Variants in TRPC3 observed in about 807,000 individuals in gnomAD.
TRPC3 encodes short transient receptor potential channel 3.
A neutral mutation model predicts 90.9 loss-of-function variants in TRPC3; 54 were observed. The observed-to-expected ratio is 0.59, with a 90% CI of 0.48 to 0.75. The LOEUF (loss-of-function observed/expected upper bound fraction) is 0.75, where lower values mean the gene tolerates loss of function less well. Ranked by LOEUF, TRPC3 falls within the 30% of genes least tolerant of loss-of-function variation. The pLI, the probability that TRPC3 is intolerant of heterozygous loss-of-function variation, is 0.00. For missense variants in TRPC3, 918 were observed against 1,194.5 expected, an observed-to-expected ratio of 0.77 and a Z score of 3.41; for synonymous variants, 424 against 450.9, an observed-to-expected ratio of 0.94 and a Z score of 0.75.
Position 121,904,326 on chromosome 4 carries a change from AT to A in TRPC3, c.2248del (p.Ile750LeufsTer7). 1 of 1,596,714 alleles carries A rather than the reference AT, an allele frequency of 6.3e-7. No individual in the cohort carries two copies. Among genetic ancestry groups the A allele is most frequent in the South Asian group, 1.1e-5 (1 of 87,374 alleles). On this transcript the variant is annotated frameshift_variant, in exon 8 of 12. Coordinates refer to ENST00000379645, the MANE Select transcript of TRPC3 (RefSeq NM_001130698.2). LOFTEE classifies it high-confidence loss of function. ...ATGGATAGAAAACCGATTTACCTCA[AT>A]TTCTTGATATGAGCTATTAATCATA... ...IAMINSSYQE[I>X]EDDSDVEWKF... is the part of the protein sequence containing the mutation.
Position 121,879,828 on chromosome 4 carries a change from A to G in TRPC3, c.2674T>C (p.Leu892=). ...QDISSLRYEL[L]EDKSQATEEL... is the part of the protein sequence containing the mutation. ...TCAGTTGCTTGGCTCTTGTCTTCCA[A>G]AAGTTCATAACGAAGGCTGGAGATA... The change falls in exon 12 of 12, where the codon TTG becomes CTG. Residue 892 remains leucine (L), a synonymous_variant. Transcript: ENST00000379645. 1.2e-6 allele frequency: 2 copies of G among 1,607,668 alleles called. No individual in the cohort carries two copies. Among genetic ancestry groups the G allele is most frequent in the Non-Finnish European group, 1.7e-6 (2 of 1,178,054 alleles).
At chr4:121,908,828 T>C (rs1361182130) in intron 6 of TRPC3, among the ~76,000 whole-genome samples, 2 of 152,040 alleles carry the variant, frequency 1.3e-5, no homozygotes, top group Non-Finnish European at 2.9e-5. Context: ...TGCAATATGC[T>C]CAGGTAACAA....
At chr4:121,891,177 A>G (rs956509619) in intron 10 of TRPC3, among the ~76,000 whole-genome samples, 1 of 152,178 alleles carries the variant, frequency 6.6e-6, no homozygotes. Context: ...CCACATCAAC[A>G]TTCCATTTCA....
At chr4:121,916,908 T>C (rs1578631805) in intron 3 of TRPC3, among the ~76,000 whole-genome samples, 1 of 151,714 alleles carries the variant, frequency 6.6e-6, no homozygotes, top group Non-Finnish European at 1.5e-5. Flanking sequence ...AGAGACGGGG[T>C]TTCTCCATGG....
At chr4:121,923,475 G>A (rs1729596753) in intron 3 of TRPC3, among the ~76,000 whole-genome samples, 1 of 152,176 alleles carries the variant, frequency 6.6e-6, no homozygotes, top group African/African-American at 2.4e-5. Context: ...TTTGACGAGT[G>A]AGGATTAACT....
Position 121,935,088 on chromosome 4 carries a change from G to A in TRPC3, c.216-2046C>T, listed in dbSNP as rs145872841. Reference sequence around the variant, plus strand: ...GGGACTAAGAAGTCATACAGGAAGGGGGACTTTCACTTTTTACTTTTCACT... The same window carrying A: ...GGGACTAAGAAGTCATACAGGAAGGAGGACTTTCACTTTTTACTTTTCACT... On this transcript the variant is annotated intron_variant, in intron 1 of 11. Coordinates refer to ENST00000379645, the MANE Select transcript of TRPC3 (RefSeq NM_001130698.2). Among the ~76,000 whole-genome samples, 1,297 of 152,190 alleles carry A rather than the reference G, an allele frequency of 8.5e-3. 14 individuals carry two copies. The highest frequency in any genetic ancestry group is 0.029 in the African/African-American group (1,184 of 41,520).
intron 10 of TRPC3, among the ~76,000 whole-genome samples, chr4:121,885,145 C>T (rs970877540): frequency 1.4e-4 from 21 of 152,310 alleles, no homozygotes; most frequent in African/African-American, 4.3e-4. Flanking sequence ...AAATCAGTTT[C>T]GCCACACATG....
chr4:121,933,775 A>C (rs1730038377), intron 1 of TRPC3, among the ~76,000 whole-genome samples: 1 of 151,712 alleles, frequency 6.6e-6, no homozygotes, highest in African/African-American at 2.4e-5. Flanking sequence ...TTGCCCCCAC[A>C]CCCTCCACCT....
chr4:121,925,214 C>G lies in TRPC3; in HGVS notation c.988-8G>C, dbSNP rs749108372. ...GAGCTTCCGATAGTCATTCTAAGAA[C>G]AAGAGGTTTAGTGTTTTAACACAAA... On this transcript the variant is annotated splice_region_variant and splice_polypyrimidine_tract_variant and intron_variant, in intron 2 of 11. Coordinates refer to ENST00000379645, the MANE Select transcript of TRPC3 (RefSeq NM_001130698.2). The G allele has an allele frequency of 6.2e-7, 1 of 1,603,546 alleles. No homozygotes were observed. Among genetic ancestry groups the G allele is most frequent in the Non-Finnish European group, 8.5e-7 (1 of 1,176,354 alleles).
chr4:121,899,748 A>C, intron 9 of TRPC3, 53 bp from the exon 10 acceptor site: 1 of 1,325,598 alleles, frequency 7.5e-7, no homozygotes, highest in Non-Finnish European at 1.1e-6. Flanking sequence ...ATTTGGAATA[A>C]AAAATATAAT....
chr4:121,887,911 T>C (rs748978696), intron 10 of TRPC3, among the ~76,000 whole-genome samples: 2 of 152,154 alleles, frequency 1.3e-5, no homozygotes, highest in Non-Finnish European at 2.9e-5. Context: ...TTAAAAAAAA[T>C]TCTTTACACA....
chr4:121,907,580 G>C lies in TRPC3; in HGVS notation c.1793-13C>G. On this transcript the variant is annotated splice_polypyrimidine_tract_variant and intron_variant, in intron 6 of 11. Transcript: ENST00000379645. ...CATTTATCTCTAGCTAGAAAAAAGA[G>C]AGAAAGAGATTAAAAATGGAGCTTT... is the stretch of plus-strand genomic sequence containing the variant. 6.3e-7 allele frequency: 1 copy of C among 1,586,020 alleles called. No individual in the cohort carries two copies. Among genetic ancestry groups the C allele is most frequent in the Non-Finnish European group, 8.6e-7 (1 of 1,169,186 alleles).
intron 7 of TRPC3, among the ~76,000 whole-genome samples, chr4:121,905,587 G>C (rs1728853057): frequency 6.6e-6 from 1 of 151,986 alleles, no homozygotes; most frequent in Non-Finnish European, 1.5e-5. Flanking sequence ...TTAAATTAAA[G>C]ATTTACACAC....
rs1158074324 is a variant in TRPC3 at position 121,876,346 on chromosome 4, T to A, written c.*3390A>T. Among the ~76,000 whole-genome samples, 1 of 152,084 alleles carries A rather than the reference T, an allele frequency of 6.6e-6. No homozygotes were observed. Among genetic ancestry groups the A allele is most frequent in the Admixed American group, 6.5e-5 (1 of 15,280 alleles). On this transcript the variant is annotated 3_prime_UTR_variant, in exon 12 of 12. Transcript: ENST00000379645. ...AGACATGGAAAGAAAGATTACCACC[T>A]TGGATGATGACATTAACCTCCTAAA...
intron 10 of TRPC3, among the ~76,000 whole-genome samples, chr4:121,889,203 A>C (rs1255167956): frequency 1.3e-5 from 2 of 152,214 alleles, no homozygotes; most frequent in African/African-American, 4.8e-5. Context: ...AGAAGAAAAC[A>C]GGGGAAATAC....
Position 121,904,351 on chromosome 4 carries a change from T to C in TRPC3, c.2224A>G (p.Met742Val). ...ATTTCTTGATATGAGCTATTAATCA[T>C]AGCAATTAGCATGTTGAGTAAAACG... ...VVVLLNMLIA[M>V]INSSYQEIED... The change falls in exon 8 of 12, where the codon ATG (methionine) becomes GTG (valine). Residue 742 changes from methionine to valine, a missense_variant. Met to Val is a conservative substitution (Grantham distance 21). Around this residue, in one of 4 missense-constraint regions of TRPC3, gnomAD observed 147 missense variants for 263.5 expected, o/e 0.56. Transcript: ENST00000379645. 2 of 1,601,230 alleles carry C rather than the reference T, an allele frequency of 1.2e-6. No individual in the cohort carries two copies. Among genetic ancestry groups the C allele is most frequent in the Non-Finnish European group, 1.7e-6 (2 of 1,176,878 alleles).
At chr4:121,890,262 G>A (rs983569322) in intron 10 of TRPC3, among the ~76,000 whole-genome samples, 1 of 152,072 alleles carries the variant, frequency 6.6e-6, no homozygotes, top group African/African-American at 2.4e-5. Context: ...ACAGTAGGGG[G>A]ACTATAGTTA....
At chr4:121,929,187 A>C (rs187637043) in intron 2 of TRPC3, among the ~76,000 whole-genome samples, 2 of 152,324 alleles carry the variant, frequency 1.3e-5, no homozygotes, top group East Asian at 3.9e-4. Context: ...AACATATGAA[A>C]TGTTGCCTAC....
chr4:121,920,804 A>G (rs552854613), intron 3 of TRPC3, among the ~76,000 whole-genome samples: 1 of 152,248 alleles, frequency 6.6e-6, no homozygotes, highest in East Asian at 1.9e-4. Flanking sequence ...AGGGCCCTGG[A>G]TGTTTTCCTT....
Sources: gnomAD v4.1 joint callset for allele counts (sites outside exome capture counted in the v4.1 genomes callset) on GRCh38, gnomAD v4.1.1 for gene constraint, gnomAD v4.1.1 regional missense constraint, MANE v1.5 for transcripts, NCBI Gene and HGNC (gene_info 2026-07-23, HGNC 2026-07-21) for gene names.